C4orf51: variants seen among roughly 807,000 people sequenced by gnomAD.
C4orf51 encodes chromosome 4 open reading frame 51.
Under a neutral mutation model 25.2 loss-of-function variants are expected in C4orf51, and 25 were observed. The ratio of observed to expected loss-of-function variants is 0.99; its 90% CI spans 0.72 to 1.39. The LOEUF is 1.39. C4orf51 is among the 40% of genes most tolerant of loss of function. The pLI is 0.00. For missense variants in C4orf51, 252 were observed against 239.6 expected (o/e 1.05, Z -0.34); for synonymous variants, 100 against 84.5 (o/e 1.18, Z -1.01).
chr4:145,722,001 TG>T (rs1426308594), intron 2 of C4orf51, among the ~76,000 whole-genome samples: 1 of 152,210 alleles, frequency 6.6e-6, no homozygotes, highest in Non-Finnish European at 1.5e-5. Context: ...TGTGTGTGCC[TG>T]GTTTTAGCCG....
intron 1 of C4orf51, among the ~76,000 whole-genome samples, chr4:145,696,251 T>A (rs768392734): frequency 6.6e-5 from 10 of 151,754 alleles, no homozygotes; most frequent in Non-Finnish European, 1.5e-4. Flanking sequence ...ACAGAGTGAG[T>A]CTCCGTCTCA....
chr4:145,787,175 T>C, the C4orf51 span, among the ~76,000 whole-genome samples: 1 of 152,126 alleles, frequency 6.6e-6, no homozygotes. Context: ...TGAGAAATAG[T>C]TTTTGTCGGC....
At chr4:145,701,645 C>T (rs113433495) in intron 2 of C4orf51, among the ~76,000 whole-genome samples, 3 of 151,462 alleles carry the variant, frequency 2.0e-5, no homozygotes, top group African/African-American at 4.9e-5. Flanking sequence ...AAGGTAAGTC[C>T]GTCCCCTTCT....
In C4orf51 at chr4:145,715,996, T is replaced by A. The variant is rs140234221; in HGVS notation, c.308-10915T>A. 4.0e-4 allele frequency among the ~76,000 whole-genome samples: 61 copies of A among 152,304 alleles called. No homozygotes were observed. The East Asian group carries it at 8.7e-3, about 22-fold the overall frequency. ...GAAGATAAACCAAAACTGTGAACTATCAACTAGTAAACTATATTTACTAAT... is the reference window on the plus strand; with the variant it reads ...GAAGATAAACCAAAACTGTGAACTAACAACTAGTAAACTATATTTACTAAT... On this transcript the variant is annotated intron_variant, in intron 2 of 5. Coordinates refer to ENST00000438731, the MANE Select transcript of C4orf51 (RefSeq NM_001080531.3).
intron 4 of C4orf51, among the ~76,000 whole-genome samples, chr4:145,729,523 G>A (rs570085617): frequency 8.1e-4 from 123 of 152,118 alleles, no homozygotes; most frequent in Non-Finnish European, 1.2e-3. Flanking sequence ...GGATGGTCTC[G>A]ATCTTCCGAC....
chr4:145,752,638 C>G (rs964636565), intron 1 of C4orf51, among the ~76,000 whole-genome samples: 1 of 152,164 alleles, frequency 6.6e-6, no homozygotes, highest in Non-Finnish European at 1.5e-5. Context: ...ATGGGCACTC[C>G]CTTAGCTGCC....
intron 1 of C4orf51, among the ~76,000 whole-genome samples, chr4:145,685,346 C>T (rs974282009): frequency 6.6e-6 from 1 of 152,174 alleles, no homozygotes; most frequent in Admixed American, 6.5e-5. Flanking sequence ...TGTTTTCTGA[C>T]TGTAGTAGGA....
downstream of C4orf51, among the ~76,000 whole-genome samples, chr4:145,755,232 C>T (rs984765376): frequency 6.6e-6 from 1 of 152,146 alleles, no homozygotes; most frequent in Admixed American, 6.5e-5. Flanking sequence ...AGATGCTTAA[C>T]GGTATGTCTT....
At chr4:145,742,826 C>A (rs969247613) in intron 1 of C4orf51, among the ~76,000 whole-genome samples, 1 of 152,146 alleles carries the variant, frequency 6.6e-6, no homozygotes, top group African/African-American at 2.4e-5. Flanking sequence ...AGGCGTGAGC[C>A]ACCACGCCCA....
downstream of C4orf51, chr4:145,774,506 C>A (rs1736751916): frequency 6.2e-7 from 1 of 1,609,334 alleles, no homozygotes; most frequent in Non-Finnish European, 8.5e-7. Context: ...GAATGGTCAC[C>A]TGTGTGCTTG....
chr4:145,752,931 G>T (rs1256709398), intron 1 of C4orf51, among the ~76,000 whole-genome samples: 3 of 149,672 alleles, frequency 2.0e-5, no homozygotes, highest in African/African-American at 7.7e-5. Context: ...GCAGCACTGA[G>T]GTCAGTGCAG....
chr4:145,737,241 T>G (rs751493641), downstream of C4orf51, among the ~76,000 whole-genome samples: 7 of 152,220 alleles, frequency 4.6e-5, no homozygotes, highest in Non-Finnish European at 7.3e-5. Context: ...ATTTCCAAGT[T>G]TTATTGGAAT....
chr4:145,768,854 G>C (rs1348491754), intron 1 of C4orf51, among the ~76,000 whole-genome samples: 1 of 25,472 alleles, frequency 3.9e-5, no homozygotes, highest in Non-Finnish European at 6.8e-5. Flanking sequence ...GCAAGACTCC[G>C]TCTCAAAAAA....
intron 1 of C4orf51, among the ~76,000 whole-genome samples, chr4:145,694,175 C>G (rs1029046873): frequency 6.8e-6 from 1 of 146,668 alleles, no homozygotes; most frequent in East Asian, 2.2e-4. Context: ...GATGTGCGGC[C>G]GGGCAGAGAC....
chr4:145,716,408 T>C (rs1442470259), intron 2 of C4orf51, among the ~76,000 whole-genome samples: 7 of 152,240 alleles, frequency 4.6e-5, no homozygotes, highest in Non-Finnish European at 8.8e-5. Flanking sequence ...TCCAATGTGA[T>C]GCCAGAGAGC....
chr4:145,754,684 C>A (rs1248257849), downstream of C4orf51, among the ~76,000 whole-genome samples: 1 of 152,216 alleles, frequency 6.6e-6, no homozygotes, highest in East Asian at 1.9e-4. Context: ...CCTGTAATCC[C>A]AGCACTTTAG....
chr4:145,784,599 T>G, the C4orf51 span, among the ~76,000 whole-genome samples: 1 of 152,230 alleles, frequency 6.6e-6, no homozygotes, highest in South Asian at 2.1e-4. Flanking sequence ...TTTAGATTAC[T>G]CAGGAATTTC....
chr4:145,711,136 T>G (rs1318535159), intron 2 of C4orf51, among the ~76,000 whole-genome samples: 1 of 152,170 alleles, frequency 6.6e-6, no homozygotes, highest in Non-Finnish European at 1.5e-5. Context: ...CCTACATGGC[T>G]AATATGGTCC....
At chr4:145,764,826 T>TTC (rs1735032835) in intron 1 of C4orf51, 1 of 916,850 alleles carries the variant, frequency 1.1e-6, no homozygotes, top group African/African-American at 1.6e-5. Flanking sequence ...ACAGGTCTAA[T>TTC]TCAATCCAGC....
Sources: gnomAD v4.1 joint callset for allele counts (sites outside exome capture counted in the v4.1 genomes callset) on GRCh38, gnomAD v4.1.1 for gene constraint, MANE v1.5 for transcripts, NCBI Gene and HGNC (gene_info 2026-07-23, HGNC 2026-07-21) for gene names.